IL17B: variants seen among roughly 807,000 people sequenced by gnomAD.
The protein encoded by IL17B is interleukin-17B.
Under a neutral mutation model 14.7 loss-of-function variants are expected in IL17B, and 14 were observed. The observed-to-expected ratio is 0.95, with a 90% CI of 0.63 to 1.49. The LOEUF (loss-of-function observed/expected upper bound fraction) is 1.49. Ranked by LOEUF, IL17B falls within the 40% of genes most tolerant of loss-of-function variation. The pLI, the probability that IL17B is intolerant of heterozygous loss-of-function variation, is 0.00. For synonymous variants in IL17B, 105 were observed against 94.8 expected, an observed-to-expected ratio of 1.11 and a Z score of -0.62; for missense variants, 233 against 252.8, an observed-to-expected ratio of 0.92 and a Z score of 0.53.
intron 2 of IL17B, among the ~76,000 whole-genome samples, chr5:149,375,827 C>T (rs1051247385): frequency 1.3e-4 from 20 of 152,124 alleles, no homozygotes; most frequent in African/African-American, 2.9e-4. Flanking sequence ...TGCAGTGAGC[C>T]GAGACCATGC....
chr5:149,375,755 C>T (rs922580409), intron 2 of IL17B, among the ~76,000 whole-genome samples: 1 of 152,128 alleles, frequency 6.6e-6, no homozygotes, highest in Non-Finnish European at 1.5e-5. Context: ...CCAGGTATGC[C>T]TGTGGTCCCA....
Position 149,374,357 on chromosome 5 carries a change from G to T in IL17B, c.*12C>A. 1 of 1,553,926 alleles carries T rather than the reference G, an allele frequency of 6.4e-7. No individual in the cohort carries two copies. Among genetic ancestry groups the T allele is most frequent in the African/African-American group, 1.3e-5 (1 of 74,364 alleles). ...GTCTCGGGCTGCTGGCCTGGCTTCT[G>T]GGCCAGGTGATTCAGAAGATGCAGG... On this transcript the variant is annotated 3_prime_UTR_variant, in exon 3 of 3. Coordinates refer to ENST00000261796, the MANE Select transcript of IL17B (RefSeq NM_014443.3). This position sits in a 1 kb window ranked among gnomAD's most constrained non-coding sequence, Gnocchi z 5.0.
At chr5:149,383,972 T>C (rs1002231963), upstream of IL17B, among the ~76,000 whole-genome samples, 1 of 152,220 alleles carries the variant, frequency 6.6e-6, no homozygotes. Context: ...GACTCTACAC[T>C]GTACCAAGTC....
chr5:149,379,344 G>A (rs144278554), upstream of IL17B: 4,612 of 1,184,752 alleles, frequency 3.9e-3, 23 homozygotes, highest in Non-Finnish European at 5.4e-3. Context: ...GGGCTGCTGG[G>A]GGAGTGAGTG....
Position 149,374,422 on chromosome 5 carries a change from G to A in IL17B, c.490C>T (p.Arg164Cys), listed in dbSNP as rs562575563. Residue 164 changes from arginine to cysteine, a missense_variant, in exon 3 of 3, where the codon CGC becomes TGC. Arg to Cys is a radical substitution (Grantham distance 180). Coordinates refer to ENST00000261796, the MANE Select transcript of IL17B (RefSeq NM_014443.3). The surrounding 1 kb of genome is among the most constrained non-coding windows in gnomAD (Gnocchi z 5.0). ...ATGGTCTCCATGACTGCGCGCTGGC[G>A]GCAAGGCCCTGTGCGGGGCGGTGGC... ...CPPPPRTGPC[R>C]QRAVMETIAV... 1.3e-5 allele frequency: 21 copies of A among 1,605,972 alleles called. No homozygotes were observed. Among genetic ancestry groups the A allele is most frequent in the Non-Finnish European group, 1.4e-5 (17 of 1,178,256 alleles).
chr5:149,385,414 C>T (rs1375308359), intron 1 of IL17B, among the ~76,000 whole-genome samples: 1 of 152,264 alleles, frequency 6.6e-6, no homozygotes, highest in East Asian at 2.0e-4. Context: ...AAAGTGCTGG[C>T]ATTACAGGCG....
chr5:149,392,983 T>TGCGC (rs1561716983), intron 1 of IL17B, among the ~76,000 whole-genome samples: 4 of 142,370 alleles, frequency 2.8e-5, no homozygotes, highest in Admixed American at 2.0e-4. Context: ...CGTGCGTGTG[T>TGCGC]GTGTGCGTGT....
At chr5:149,399,233 G>A (rs1759160356) in intron 1 of IL17B, among the ~76,000 whole-genome samples, 1 of 152,186 alleles carries the variant, frequency 6.6e-6, no homozygotes, top group South Asian at 2.1e-4. Flanking sequence ...CCCGGGTGCT[G>A]TCAGGTGGGC....
chr5:149,387,550 C>T (rs1018513976), intron 1 of IL17B, among the ~76,000 whole-genome samples: 1 of 152,138 alleles, frequency 6.6e-6, no homozygotes, highest in Non-Finnish European at 1.5e-5. Flanking sequence ...AGGAGAATTG[C>T]TTGAGGTCAG....
At chr5:149,401,401 GC>G (rs1759203594) in intron 1 of IL17B, among the ~76,000 whole-genome samples, 1 of 152,212 alleles carries the variant, frequency 6.6e-6, no homozygotes. Flanking sequence ...CTCGTGGTAT[GC>G]CTTTTTAAAA....
chr5:149,399,185 C>T (rs1759159038), intron 1 of IL17B, among the ~76,000 whole-genome samples: 1 of 152,140 alleles, frequency 6.6e-6, no homozygotes, highest in Non-Finnish European at 1.5e-5. Flanking sequence ...GGGACGCAGC[C>T]AAACCATATC....
chr5:149,393,342 T>C (rs1759024727), intron 1 of IL17B, among the ~76,000 whole-genome samples: 1 of 152,072 alleles, frequency 6.6e-6, no homozygotes, highest in Non-Finnish European at 1.5e-5. Context: ...GCCCTATGCA[T>C]CCCTGTGGCT....
chr5:149,397,718 G>T (rs1208831206), intron 1 of IL17B, among the ~76,000 whole-genome samples: 1 of 152,146 alleles, frequency 6.6e-6, no homozygotes, highest in East Asian at 1.9e-4. Context: ...GATTACAGTG[G>T]CTGAGAAGTC....
chr5:149,389,706 A>G (rs1331533185), intron 1 of IL17B, among the ~76,000 whole-genome samples: 1 of 152,236 alleles, frequency 6.6e-6, no homozygotes, highest in African/African-American at 2.4e-5. Flanking sequence ...TAAGAGTCCT[A>G]TAAACATTAC....
chr5:149,399,949 G>T (rs422727), intron 1 of IL17B, among the ~76,000 whole-genome samples: 1 of 152,000 alleles, frequency 6.6e-6, no homozygotes, highest in South Asian at 2.1e-4. Flanking sequence ...CAGACTTCCA[G>T]TGGTTCTGGA....
intron 1 of IL17B, 82 bp from the exon 2 acceptor site, chr5:149,377,107 A>G (rs1220742032): frequency 1.2e-5 from 15 of 1,247,668 alleles, no homozygotes; most frequent in East Asian, 9.9e-5. Flanking sequence ...GTCCTTTCCC[A>G]TTGCTCTTAG....
At chr5:149,383,640 G>A (rs1345254179), upstream of IL17B, among the ~76,000 whole-genome samples, 1 of 152,236 alleles carries the variant, frequency 6.6e-6, no homozygotes, top group Non-Finnish European at 1.5e-5. Flanking sequence ...CCCCAGCCAA[G>A]AGGTGCTATT....
At chr5:149,378,918 C>G (rs569636168) in intron 1 of IL17B, among the ~76,000 whole-genome samples, 12 of 152,264 alleles carry the variant, frequency 7.9e-5, no homozygotes, top group African/African-American at 2.9e-4. Flanking sequence ...GAAGCCGGGT[C>G]TCTTTGGAAA....
At chr5:149,389,491 G>A (rs1758895348) in intron 1 of IL17B, among the ~76,000 whole-genome samples, 1 of 152,250 alleles carries the variant, frequency 6.6e-6, no homozygotes, top group Non-Finnish European at 1.5e-5. Flanking sequence ...AGTCCAGAGA[G>A]GAAAAGAGAC....
Sources: allele counts gnomAD v4.1 joint callset (sites outside exome capture counted in the v4.1 genomes callset), GRCh38; gene constraint gnomAD v4.1.1; non-coding constraint Gnocchi (gnomAD v3.1); transcripts MANE v1.5; gene names NCBI Gene and HGNC (gene_info 2026-07-23, HGNC 2026-07-21).